SYNE2: variants seen among roughly 807,000 people sequenced by gnomAD.
SYNE2 encodes spectrin repeat containing nuclear envelope protein 2, also known as nesprin-2.
A neutral mutation model predicts 856.3 loss-of-function variants in SYNE2; 431 were observed. The ratio of observed to expected loss-of-function variants is 0.50; its 90% confidence interval spans 0.47 to 0.55. The LOEUF (loss-of-function observed/expected upper bound fraction) is 0.55. Ranked by LOEUF, SYNE2 falls within the 20% of genes least tolerant of loss-of-function variation. SYNE2 has a pLI of 0.00. For missense variants in SYNE2, 8,129 were observed against 8,023.2 expected, an observed-to-expected ratio of 1.01 and a Z score of -0.50; for synonymous variants, 2,923 against 2,872.3, an observed-to-expected ratio of 1.02 and a Z score of -0.56.
intron 89 of SYNE2, among the ~76,000 whole-genome samples, chr14:64,163,896 A>C (rs901210008): frequency 4.6e-5 from 7 of 152,108 alleles, no homozygotes; most frequent in Non-Finnish European, 7.4e-5. Flanking sequence ...AAGCATGATG[A>C]TTTGTCATAT....
chr14:64,064,030 G>A (rs1017447473), intron 50 of SYNE2, among the ~76,000 whole-genome samples: 3 of 152,162 alleles, frequency 2.0e-5, no homozygotes, highest in Non-Finnish European at 4.4e-5. Context: ...GGTGAATGTG[G>A]TCTCTTTCTC....
chr14:63,922,762 G>T (rs914533235), intron 2 of SYNE2, among the ~76,000 whole-genome samples: 1 of 152,236 alleles, frequency 6.6e-6, no homozygotes, highest in Admixed American at 6.5e-5. Flanking sequence ...TAAATTGTCC[G>T]ATCTATTTAG....
At chr14:63,983,068 C>T (rs1242386515) in intron 17 of SYNE2, among the ~76,000 whole-genome samples, 1 of 152,132 alleles carries the variant, frequency 6.6e-6, no homozygotes, top group South Asian at 2.1e-4. Flanking sequence ...ATAATGAAAT[C>T]ATATAATATG....
Position 64,107,575 on chromosome 14 carries a change from G to A in SYNE2, c.12577G>A (p.Glu4193Lys), listed in dbSNP as rs777704313. ...PDSLNTEQGP[E>K]CSLRPNQTEE... ...CTCACTAAACACTGAGCAAGGCCCAGAATGTTCCCTAAGGCCCAACCAAAC... is the reference window on the plus strand; with the variant it reads ...CTCACTAAACACTGAGCAAGGCCCAAAATGTTCCCTAAGGCCCAACCAAAC... The change falls in exon 65 of 116, where the codon GAA (glutamate) becomes AAA (lysine). Residue 4193 changes from glutamate to lysine, a missense_variant. By Grantham distance (56) the Glu-to-Lys change is moderately conservative (BLOSUM62 1). Coordinates refer to ENST00000555002, the MANE Select transcript of SYNE2 (RefSeq NM_182914.3). 1.2e-6 allele frequency: 2 copies of A among 1,614,148 alleles called. No homozygotes were observed. The highest frequency in any genetic ancestry group is 2.2e-5 in the South Asian group (2 of 91,084).
chr14:63,815,182 ATATATATAT>A (rs1377525178), intron 1 of SYNE2, among the ~76,000 whole-genome samples: 3 of 56,066 alleles, frequency 5.4e-5, no homozygotes, highest in African/African-American at 3.0e-4. Context: ...ATATATATCC[ATATATATAT>A]CCATATATAT....
At position 64,165,401 on chromosome 14, in the gene SYNE2, C is replaced by G; in HGVS notation, c.16596C>G (p.Asp5532Glu). ...RLHQQEKENP[D>E]SFLNHVLALT... ...ACCAACAGGAAAAAGAAAATCCTGA[C>G]TCATTCCTGGTATTGCCAATATTTG... The change falls in exon 90 of 116, where the codon GAC (aspartate) becomes GAG (glutamate). Residue 5532 changes from aspartate to glutamate, a missense_variant. Around this residue, in one of 3 missense-constraint regions of SYNE2, gnomAD observed 5,410 missense variants for 5,284.8 expected, o/e 1.02. Coordinates refer to ENST00000555002, the MANE Select transcript of SYNE2 (RefSeq NM_182914.3). 3.1e-6 allele frequency: 5 copies of G among 1,613,704 alleles called. No homozygotes were observed. The highest frequency in any genetic ancestry group is 4.2e-6 in the Non-Finnish European group (5 of 1,179,890).
rs574862282 is a variant in SYNE2 at position 63,927,878 on chromosome 14, C to T, written c.80-12736C>T. On this transcript the variant is annotated intron_variant, in intron 2 of 115. Coordinates refer to ENST00000555002, the MANE Select transcript of SYNE2 (RefSeq NM_182914.3). ...CTGCACTCCAGCCTGGGCGACAGAGCGAGACTCCATCTGAAAAAAAAAAAC... is the reference window on the plus strand; with the variant it reads ...CTGCACTCCAGCCTGGGCGACAGAGTGAGACTCCATCTGAAAAAAAAAAAC... Among the ~76,000 whole-genome samples, 6 of 151,736 alleles carry T rather than the reference C, an allele frequency of 4.0e-5. No homozygotes were observed. In the South Asian group the frequency reaches 1.0e-3, roughly 26 times the overall value.
Position 64,113,355 on chromosome 14 carries a change from T to C in SYNE2, c.12624T>C (p.Pro4208=), listed in dbSNP as rs1198228651. The change falls in exon 66 of 116, where the codon CCT becomes CCC. Residue 4208 remains proline, a synonymous_variant. Coordinates refer to ENST00000555002, the MANE Select transcript of SYNE2 (RefSeq NM_182914.3). The part of the protein sequence containing the change: ...PNQTEEGTTP[P]IEADTLDSSD... ...ATTTCTCTTAGGGCACCACACCTCC[T>C]ATTGAGGCTGACACTCTGGACTCTT... is the stretch of plus-strand genomic sequence containing the variant. The C allele has an allele frequency of 1.2e-6, 2 of 1,613,846 alleles. No individual in the cohort carries two copies. The highest frequency in any genetic ancestry group is 1.3e-5 in the African/African-American group (1 of 74,910).
intron 32 of SYNE2, among the ~76,000 whole-genome samples, chr14:64,014,146 A>G (rs1170614317): frequency 1.3e-5 from 2 of 152,132 alleles, no homozygotes; most frequent in South Asian, 2.1e-4. Context: ...GGGATTGGCT[A>G]TTTTCACATA....
intron 99 of SYNE2, 37 bp downstream of exon 99, chr14:64,190,274 C>G: frequency 6.2e-7 from 1 of 1,612,368 alleles, no homozygotes; most frequent in Non-Finnish European, 8.5e-7. Context: ...TCTCCAGGAA[C>G]AGTAATTACT....
At chr14:63,999,134 A>G in intron 27 of SYNE2, 94 bp downstream of exon 27, 1 of 1,196,174 alleles carries the variant, frequency 8.4e-7, no homozygotes, top group Non-Finnish European at 1.2e-6. Context: ...TTGAGGTCAC[A>G]TATGCTAAAT....
At chr14:63,832,421 G>A (rs557761289) in intron 1 of SYNE2, among the ~76,000 whole-genome samples, 19 of 152,076 alleles carry the variant, frequency 1.2e-4, no homozygotes, top group South Asian at 4.2e-4. Context: ...GATTACAGGC[G>A]TGAGCCACCA....
chr14:64,115,141 T>A (rs1332146030), intron 66 of SYNE2, among the ~76,000 whole-genome samples: 1 of 152,236 alleles, frequency 6.6e-6, no homozygotes. Flanking sequence ...GGGTAGACCC[T>A]ATGCCAACTC....
At chr14:64,133,993 T>C in intron 77 of SYNE2, 76 bp from the exon 78 acceptor site, 1 of 1,557,660 alleles carries the variant, frequency 6.4e-7, no homozygotes, top group Non-Finnish European at 8.8e-7. Flanking sequence ...CATTTTTGTT[T>C]TGTGATTAAT....
At chr14:64,185,575 C>T (rs2098485271) in intron 96 of SYNE2, among the ~76,000 whole-genome samples, 1 of 129,104 alleles carries the variant, frequency 7.7e-6, no homozygotes. Flanking sequence ...GGCTAGAATG[C>T]AGTGGTGCGA....
intron 21 of SYNE2, 29 bp from the exon 22 acceptor site, chr14:63,993,806 A>G (rs1364801028): frequency 6.4e-7 from 1 of 1,572,924 alleles, no homozygotes; most frequent in Admixed American, 1.8e-5. Flanking sequence ...GGCTTTTATG[A>G]TTTTGTTTGC....
chr14:63,776,088 G>A (rs982875991), intron 1 of SYNE2, among the ~76,000 whole-genome samples: 4 of 152,234 alleles, frequency 2.6e-5, no homozygotes, highest in South Asian at 4.1e-4. Context: ...TGATTACCAT[G>A]GTAGCAGATG....
At chr14:64,069,166 C>A (rs2097382531) in intron 51 of SYNE2, among the ~76,000 whole-genome samples, 1 of 152,194 alleles carries the variant, frequency 6.6e-6, no homozygotes, top group Admixed American at 6.5e-5. Context: ...CCATTAAATC[C>A]TGGATTACAG....
chr14:64,216,991 G>T (rs1170548667), intron 108 of SYNE2, among the ~76,000 whole-genome samples: 1 of 152,170 alleles, frequency 6.6e-6, no homozygotes, highest in Non-Finnish European at 1.5e-5. Context: ...CTCCCAAAGC[G>T]CTGGGATTAC....
Sources: allele counts gnomAD v4.1 joint callset (sites outside exome capture counted in the v4.1 genomes callset), GRCh38; gene constraint gnomAD v4.1.1; regional missense constraint gnomAD v4.1.1; transcripts MANE v1.5; gene names NCBI Gene and HGNC (gene_info 2026-07-23, HGNC 2026-07-21).